DKK2: variants seen among roughly 807,000 people sequenced by gnomAD.
The protein encoded by DKK2 is dickkopf Wnt signaling pathway inhibitor 2.
A neutral mutation model predicts 28.1 loss-of-function variants in DKK2; 11 were observed. The observed-to-expected ratio is 0.39, with a 90% CI of 0.25 to 0.65. The LOEUF is 0.65. Among genes scored for constraint, DKK2 ranks in the 30% least tolerant of loss-of-function variants. The pLI is 0.47. For missense variants in DKK2, 326 were observed against 335.5 expected, an observed-to-expected ratio of 0.97 and a Z score of 0.22; for synonymous variants, 135 against 126.5, an observed-to-expected ratio of 1.07 and a Z score of -0.45.
chr4:106,993,002 G>A (rs1303284748), intron 1 of DKK2, among the ~76,000 whole-genome samples: 1 of 152,198 alleles, frequency 6.6e-6, no homozygotes, highest in Non-Finnish European at 1.5e-5. Context: ...TATGGATACT[G>A]CAAAGAACCA....
At position 106,925,820 on chromosome 4, in the gene DKK2, G is replaced by A. The variant is rs1403114744; in HGVS notation, c.352C>T (p.Pro118Ser). Residue 118 changes from proline (P) to serine (S), a missense_variant, in exon 2 of 4, where the codon CCC (proline) becomes TCC (serine). Physicochemically the swap from Pro to Ser is moderately conservative, Grantham distance 74. Coordinates refer to ENST00000285311, the MANE Select transcript of DKK2 (RefSeq NM_014421.3). ...TTACCATTATTGCAGCGGGTACTGG[G>A]GCAGCACATGCCATCTCGGTGGCAG... Reference protein sequence around the residue: ...KRCHRDGMCCPSTRCNNGICI... With the variant: ...KRCHRDGMCCSSTRCNNGICI... 5.0e-6 allele frequency: 8 copies of A among 1,612,210 alleles called. No homozygotes were observed. The Admixed American group carries it at 8.4e-5, about 17-fold the overall frequency.
chr4:106,985,767 G>A (rs1723107352), intron 1 of DKK2, among the ~76,000 whole-genome samples: 1 of 147,680 alleles, frequency 6.8e-6, no homozygotes, highest in African/African-American at 2.5e-5. Context: ...TGAGATCACA[G>A]ATTGCACCAT....
intron 1 of DKK2, among the ~76,000 whole-genome samples, chr4:106,965,744 CCT>C (rs1427556271): frequency 8.5e-6 from 1 of 117,698 alleles, no homozygotes; most frequent in African/African-American, 3.2e-5. Flanking sequence ...ATCCCTCCCC[CCT>C]CCCCCCACCC....
At chr4:107,030,461 G>A (rs1723859920) in intron 1 of DKK2, among the ~76,000 whole-genome samples, 1 of 151,736 alleles carries the variant, frequency 6.6e-6, no homozygotes, top group South Asian at 2.1e-4. Flanking sequence ...TTATGCTTTT[G>A]GACTGTTAAA....
At chr4:106,969,319 C>T (rs541268042) in intron 1 of DKK2, among the ~76,000 whole-genome samples, 1 of 151,684 alleles carries the variant, frequency 6.6e-6, no homozygotes, top group Non-Finnish European at 1.5e-5. Context: ...CAGGGCTCAT[C>T]TCAGATGCTC....
At chr4:107,026,273 A>T (rs1293052855) in intron 1 of DKK2, among the ~76,000 whole-genome samples, 1 of 152,218 alleles carries the variant, frequency 6.6e-6, no homozygotes, top group African/African-American at 2.4e-5. Flanking sequence ...CAAACGTTTT[A>T]AAAGAGTCTT....
intron 1 of DKK2, among the ~76,000 whole-genome samples, chr4:107,019,269 A>G (rs1723657742): frequency 6.6e-6 from 1 of 152,050 alleles, no homozygotes; most frequent in South Asian, 2.1e-4. Context: ...ACGAGGCAAC[A>G]CTGTCCTGTA....
chr4:107,026,350 A>T (rs1723778658), intron 1 of DKK2, among the ~76,000 whole-genome samples: 1 of 152,174 alleles, frequency 6.6e-6, no homozygotes, highest in Non-Finnish European at 1.5e-5. Context: ...TATTTATGAA[A>T]AGTAAATAGC....
chr4:106,985,539 T>C (rs191927542), intron 1 of DKK2, among the ~76,000 whole-genome samples: 1 of 152,200 alleles, frequency 6.6e-6, no homozygotes, highest in Non-Finnish European at 1.5e-5. Context: ...CCAGGCATGG[T>C]GGCTCAGGCC....
At chr4:107,005,916 A>G (rs1723431345) in intron 1 of DKK2, among the ~76,000 whole-genome samples, 1 of 152,200 alleles carries the variant, frequency 6.6e-6, no homozygotes, top group Admixed American at 6.5e-5. Context: ...TAGATCTGAC[A>G]GTACATCAGA....
chr4:106,933,079 CAG>C (rs1724525855), intron 1 of DKK2, among the ~76,000 whole-genome samples: 1 of 152,152 alleles, frequency 6.6e-6, no homozygotes, highest in South Asian at 2.1e-4. Context: ...TACTGCTTCA[CAG>C]ACTCTTCTAA....
intron 1 of DKK2, among the ~76,000 whole-genome samples, chr4:106,996,137 T>C (rs1229082697): frequency 6.6e-6 from 1 of 152,244 alleles, no homozygotes; most frequent in Non-Finnish European, 1.5e-5. Context: ...GAGAATTGTA[T>C]TGACAATGTA....
At chr4:107,033,683 T>C (rs1185366565) in intron 1 of DKK2, among the ~76,000 whole-genome samples, 4 of 152,206 alleles carry the variant, frequency 2.6e-5, no homozygotes, top group Non-Finnish European at 5.9e-5. Context: ...TCCTTCCCTG[T>C]GTCCTTGGGG....
At chr4:106,957,627 A>G (rs2110349025) in intron 1 of DKK2, among the ~76,000 whole-genome samples, 1 of 151,336 alleles carries the variant, frequency 6.6e-6, no homozygotes, top group South Asian at 2.1e-4. Context: ...ATTGGAAATC[A>G]TCATTCTCAG....
At chr4:107,003,564 T>A (rs1203449723) in intron 1 of DKK2, among the ~76,000 whole-genome samples, 2 of 152,206 alleles carry the variant, frequency 1.3e-5, no homozygotes, top group Non-Finnish European at 2.9e-5. Flanking sequence ...TGCCCTAACA[T>A]TTTCCTTTGG....
chr4:107,008,638 C>T (rs1361638500), intron 1 of DKK2, among the ~76,000 whole-genome samples: 3 of 151,928 alleles, frequency 2.0e-5, no homozygotes, highest in Non-Finnish European at 4.4e-5. Flanking sequence ...TCAGATTTGC[C>T]TTGGAGCCAC....
chr4:106,988,051 A>G (rs1723148374), intron 1 of DKK2, among the ~76,000 whole-genome samples: 1 of 152,156 alleles, frequency 6.6e-6, no homozygotes, highest in Admixed American at 6.5e-5. Flanking sequence ...TTTTTAATAG[A>G]GACAGGGTTT....
chr4:106,955,729 A>G (rs1722580531), intron 1 of DKK2, among the ~76,000 whole-genome samples: 1 of 152,204 alleles, frequency 6.6e-6, no homozygotes, highest in South Asian at 2.1e-4. Flanking sequence ...CATAAAGAGA[A>G]CAAATAAAAA....
intron 1 of DKK2, among the ~76,000 whole-genome samples, chr4:107,000,548 T>G (rs1192771930): frequency 6.6e-6 from 1 of 152,210 alleles, no homozygotes; most frequent in Non-Finnish European, 1.5e-5. Context: ...AACTATTAAG[T>G]GTTTTTCTGG....
Sources: gnomAD v4.1 joint callset for allele counts (sites outside exome capture counted in the v4.1 genomes callset) on GRCh38, gnomAD v4.1.1 for gene constraint, MANE v1.5 for transcripts, NCBI Gene and HGNC (gene_info 2026-07-23, HGNC 2026-07-21) for gene names.